AUTS2: variants seen among roughly 807,000 people sequenced by gnomAD.
AUTS2 encodes autism susceptibility gene 2 protein.
A neutral mutation model predicts 112.4 loss-of-function variants in AUTS2; 17 were observed. The observed-to-expected ratio is 0.15, with a 90% CI of 0.10 to 0.23. The LOEUF (loss-of-function observed/expected upper bound fraction) is 0.23, where lower values mean the gene tolerates loss of function less well. Ranked by LOEUF, AUTS2 falls within the 10% of genes least tolerant of loss-of-function variation. The pLI is 1.00. For missense variants in AUTS2, 1,510 were observed against 1,701.6 expected, an observed-to-expected ratio of 0.89 and a Z score of 1.98; for synonymous variants, 751 against 702.7, an observed-to-expected ratio of 1.07 and a Z score of -1.09.
At chr7:69,618,558 G>T (rs949278565) in intron 1 of AUTS2, among the ~76,000 whole-genome samples, 3 of 152,124 alleles carry the variant, frequency 2.0e-5, no homozygotes, top group African/African-American at 7.2e-5. Context: ...AAAAGCCCCA[G>T]ACACCACCAG....
At chr7:70,530,434 C>T (rs1181286090) in intron 5 of AUTS2, among the ~76,000 whole-genome samples, 6 of 152,094 alleles carry the variant, frequency 3.9e-5, no homozygotes, top group East Asian at 1.9e-4. Flanking sequence ...CTCTGGGGAG[C>T]GTCTGGTGGT....
intron 1 of AUTS2, among the ~76,000 whole-genome samples, chr7:69,832,045 G>T (rs73172920): frequency 2.2e-3 from 341 of 152,162 alleles, no homozygotes; most frequent in Non-Finnish European, 3.6e-3. Context: ...TGAACCTATG[G>T]TAATCCCTAA....
At chr7:70,675,967 G>A (rs977095899) in intron 5 of AUTS2, among the ~76,000 whole-genome samples, 4 of 152,236 alleles carry the variant, frequency 2.6e-5, no homozygotes, top group African/African-American at 4.8e-5. Flanking sequence ...CCATGGGGCA[G>A]TGTCAAAGGA....
chr7:69,971,073 G>A (rs897837019), intron 2 of AUTS2, among the ~76,000 whole-genome samples: 2 of 152,272 alleles, frequency 1.3e-5, no homozygotes, highest in African/African-American at 2.4e-5. Context: ...AGCTACTTGG[G>A]AGGCTGAGGT....
intron 4 of AUTS2, among the ~76,000 whole-genome samples, chr7:70,219,383 A>G (rs1329545488): frequency 6.6e-6 from 1 of 152,218 alleles, no homozygotes; most frequent in Admixed American, 6.5e-5. Context: ...TGCGTTCTCC[A>G]ATAAAAGCAA....
At chr7:70,297,856 T>C (rs1789017469) in intron 4 of AUTS2, among the ~76,000 whole-genome samples, 1 of 152,194 alleles carries the variant, frequency 6.6e-6, no homozygotes, top group South Asian at 2.1e-4. Context: ...AAAACATTTT[T>C]TCAAGCCAAA....
chr7:69,859,907 C>T (rs944625732), intron 1 of AUTS2, among the ~76,000 whole-genome samples: 7 of 152,088 alleles, frequency 4.6e-5, no homozygotes, highest in Non-Finnish European at 2.9e-5. Context: ...GAGTAGGACT[C>T]TCAAACTCAC....
intron 4 of AUTS2, among the ~76,000 whole-genome samples, chr7:70,312,898 C>T (rs1789825301): frequency 6.6e-6 from 1 of 152,032 alleles, no homozygotes; most frequent in African/African-American, 2.4e-5. Flanking sequence ...CAGTGTAGGA[C>T]TAGAAAAAAT....
intron 4 of AUTS2, among the ~76,000 whole-genome samples, chr7:70,336,534 A>T (rs1302292334): frequency 1.3e-5 from 2 of 152,164 alleles, no homozygotes; most frequent in African/African-American, 2.4e-5. Flanking sequence ...TGCTGACGGC[A>T]GTGGTAGTGA....
chr7:70,591,228 C>T (rs1563061637), intron 5 of AUTS2, among the ~76,000 whole-genome samples: 1 of 151,358 alleles, frequency 6.6e-6, no homozygotes, highest in Non-Finnish European at 1.5e-5. Flanking sequence ...GAATGTGACA[C>T]CAGACGTGGT....
chr7:69,864,412 T>C (rs1366077170), intron 1 of AUTS2, among the ~76,000 whole-genome samples: 1 of 152,150 alleles, frequency 6.6e-6, no homozygotes, highest in Non-Finnish European at 1.5e-5. Context: ...CTCTCCTTAA[T>C]TTGTCATCTG....
intron 1 of AUTS2, among the ~76,000 whole-genome samples, chr7:69,769,664 C>T (rs1788578756): frequency 1.3e-5 from 2 of 152,100 alleles, no homozygotes; most frequent in Admixed American, 1.3e-4. Context: ...ATAATGCAGA[C>T]CAGAGCTTGT....
intron 1 of AUTS2, among the ~76,000 whole-genome samples, chr7:69,671,857 C>T (rs550146679): frequency 1.1e-4 from 17 of 151,506 alleles, no homozygotes; most frequent in Admixed American, 5.3e-4. Flanking sequence ...AGCTGGCTTA[C>T]AAAAATGTGT....
intron 2 of AUTS2, among the ~76,000 whole-genome samples, chr7:69,914,366 C>G (rs905649090): frequency 1.5e-4 from 22 of 149,770 alleles, no homozygotes; most frequent in African/African-American, 4.7e-4. Flanking sequence ...GACACACACA[C>G]ACACACACAC....
chr7:69,985,725 T>G (rs1798484225), intron 2 of AUTS2, among the ~76,000 whole-genome samples: 1 of 152,108 alleles, frequency 6.6e-6, no homozygotes. Context: ...TTTAGTGTGG[T>G]CTTATCTTAC....
chr7:70,721,711 T>G lies in AUTS2; in HGVS notation c.742+23091T>G, dbSNP rs1563152010. Reference sequence around the variant, plus strand: ...GACCCTGAGTCTATTGGACCGTAGCTCACTTTCTTTTTATGTTGCAAAATT... The same window carrying G: ...GACCCTGAGTCTATTGGACCGTAGCGCACTTTCTTTTTATGTTGCAAAATT... On this transcript the variant is annotated intron_variant, in intron 6 of 18. Transcript: ENST00000342771. Among the ~76,000 whole-genome samples the G allele has an allele frequency of 2.0e-5, 3 of 152,322 alleles. 1 individual carries two copies. In the East Asian group the frequency reaches 5.8e-4, roughly 29 times the overall value.
intron 1 of AUTS2, among the ~76,000 whole-genome samples, chr7:69,658,235 A>C (rs953121085): frequency 6.6e-6 from 1 of 152,222 alleles, no homozygotes; most frequent in African/African-American, 2.4e-5. Context: ...AATATTTGCT[A>C]TCTGGCACTT....
In AUTS2 at chr7:70,120,320, T is replaced by A. The variant is rs1208773572; in HGVS notation, c.624+2087T>A. The A allele has an allele frequency of 2.6e-5, 4 of 152,170 alleles. No individual in the cohort carries two copies. The East Asian group carries it at 7.7e-4, about 29-fold the overall frequency. The allele number at this position is 152,170 out of a possible 1,614,324, so 9.4% of individuals were successfully genotyped here. A position where few individuals can be genotyped will look rare whatever the true frequency, so the allele number is the denominator to read the frequency against. On this transcript the variant is annotated intron_variant, in intron 3 of 18. Coordinates refer to ENST00000342771, the MANE Select transcript of AUTS2 (RefSeq NM_015570.4). ...ATTAGTTATAGATAATAACCTCCCC[T>A]TCTTCTGTGATATAATATCAAAGTT...
chr7:70,003,988 A>G lies in AUTS2; in HGVS notation c.522+104490A>G, dbSNP rs376038208. The stretch of plus-strand genomic sequence containing the variant: ...TATATTATATATGAATGTGTTATAT[A>G]TGAATATATATATTATATATGAATG... On this transcript the variant is annotated intron_variant, in intron 2 of 18. Coordinates refer to ENST00000342771, the MANE Select transcript of AUTS2 (RefSeq NM_015570.4). Among the ~76,000 whole-genome samples, 5 of 81,032 alleles carry G rather than the reference A, an allele frequency of 6.2e-5. No homozygotes were observed. In the Admixed American group the frequency reaches 8.3e-4, roughly 14 times the overall value. 53.2% of individuals were successfully genotyped at this position (81,032 alleles called of 152,430 possible).
Sources: gnomAD v4.1 joint callset for allele counts (sites outside exome capture counted in the v4.1 genomes callset) on GRCh38, gnomAD v4.1.1 for gene constraint, MANE v1.5 for transcripts, NCBI Gene and HGNC (gene_info 2026-07-23, HGNC 2026-07-21) for gene names.